LIN28B: variants seen among roughly 807,000 people sequenced by gnomAD.
The protein encoded by LIN28B is lin-28 RNA binding posttranscriptional regulator B.
In LIN28B, 5 loss-of-function variants were observed where a neutral mutation model predicts 21.9. That is an observed-to-expected ratio of 0.23 (90% CI 0.12 to 0.48). LIN28B has a LOEUF of 0.48. Ranked by LOEUF, LIN28B falls within the 20% of genes least tolerant of loss-of-function variation. The probability of loss-of-function intolerance (pLI) is 0.98; values close to 1 mark genes in which losing one functional copy is unlikely to be tolerated. For missense variants in LIN28B, 245 were observed against 310.5 expected (o/e 0.79, Z 1.58); for synonymous variants, 109 against 111.3 (o/e 0.98, Z 0.13).
At chr6:105,053,849 C>A (rs142224118) in intron 3 of LIN28B, among the ~76,000 whole-genome samples, 3 of 152,200 alleles carry the variant, frequency 2.0e-5, no homozygotes, top group African/African-American at 4.8e-5. Context: ...TCTCCTGCCT[C>A]AGCCTGCCAT....
rs1234857852 is a variant in LIN28B, at chr6:105,082,076, C to G, written c.*3293C>G. Reference sequence around the variant, plus strand: ...AAGATGCATTGCCAGTCTCTTAGCCCTGTAAGCTGATCTTTTGCTACATGG... The same window carrying G: ...AAGATGCATTGCCAGTCTCTTAGCCGTGTAAGCTGATCTTTTGCTACATGG... On this transcript the variant is annotated 3_prime_UTR_variant, in exon 4 of 4. Coordinates refer to ENST00000345080, the MANE Select transcript of LIN28B (RefSeq NM_001004317.4). 6.6e-6 allele frequency: 1 copy of G among 152,620 alleles called. No homozygotes were observed. Among genetic ancestry groups the G allele is most frequent in the African/African-American group, 2.4e-5 (1 of 41,448 alleles). 9.5% of individuals were successfully genotyped at this position (152,620 alleles called of 1,614,324 possible).
At chr6:105,048,328 T>C (rs138478945) in intron 3 of LIN28B, among the ~76,000 whole-genome samples, 2,179 of 152,320 alleles carry the variant, frequency 0.014, 69 homozygotes, top group African/African-American at 0.05. Flanking sequence ...CGTTTATTGA[T>C]TTGCATATGT....
Position 105,059,810 on chromosome 6 carries a change from A to G in LIN28B, c.384-18604A>G, listed in dbSNP as rs1411970470. ...ATTTTGCATTTCTTCCACTTTAATG[A>G]TGCTGCCCTTTAGTACTAAATATTC... On this transcript the variant is annotated intron_variant, in intron 3 of 3. Coordinates refer to ENST00000345080, the MANE Select transcript of LIN28B (RefSeq NM_001004317.4). 2.0e-5 allele frequency among the ~76,000 whole-genome samples: 3 copies of G among 152,194 alleles called. No homozygotes were observed. In the East Asian group the frequency reaches 5.8e-4, roughly 29 times the overall value.
intron 3 of LIN28B, 106 bp downstream of exon 3, chr6:105,026,588 A>G: frequency 7.2e-6 from 5 of 691,328 alleles, no homozygotes; most frequent in Non-Finnish European, 1.2e-5. Context: ...AAAGGAAACC[A>G]CCATCATGTA....
chr6:104,953,013 T>A (rs546056279), upstream of LIN28B, among the ~76,000 whole-genome samples: 2 of 152,324 alleles, frequency 1.3e-5, no homozygotes, highest in South Asian at 4.1e-4. Flanking sequence ...CGGGCGCGCC[T>A]TGCATTTGTC....
At position 105,003,200 on chromosome 6, in the gene LIN28B, C is replaced by T. The variant is rs139982234; in HGVS notation, c.199-23098C>T. Among the ~76,000 whole-genome samples the T allele has an allele frequency of 2.6e-5, 4 of 152,262 alleles. No individual in the cohort carries two copies. In the East Asian group the frequency reaches 5.8e-4, roughly 22 times the overall value. On this transcript the variant is annotated intron_variant, in intron 2 of 3. Coordinates refer to ENST00000345080, the MANE Select transcript of LIN28B (RefSeq NM_001004317.4). ...AAAGATACTGATAAAGGTGCTAAAA[C>T]GATCCTGCCCTTATTCAAAATCATT...
At chr6:105,021,643 T>A (rs568334404) in intron 2 of LIN28B, among the ~76,000 whole-genome samples, 1 of 152,314 alleles carries the variant, frequency 6.6e-6, no homozygotes, top group South Asian at 2.1e-4. Flanking sequence ...TTGTATGTCT[T>A]ATTTGCAAAA....
At chr6:104,947,771 T>C (rs1582857166) in intron 2 of LIN28B, among the ~76,000 whole-genome samples, 1 of 97,256 alleles carries the variant, frequency 1.0e-5, no homozygotes, top group South Asian at 3.0e-4. Context: ...TTTTGCGTAC[T>C]TTTTTTTTTT....
chr6:105,039,167 G>GTA (rs1190970724), intron 3 of LIN28B, among the ~76,000 whole-genome samples: 1 of 152,160 alleles, frequency 6.6e-6, no homozygotes, highest in Non-Finnish European at 1.5e-5. Context: ...TTTGCATGTA[G>GTA]TAAGAGTAAC....
intron 2 of LIN28B, among the ~76,000 whole-genome samples, chr6:105,014,765 GATAAATAA>G (rs548935957): frequency 2.0e-5 from 3 of 151,922 alleles, no homozygotes; most frequent in Non-Finnish European, 4.4e-5. Context: ...TTTAAAAATA[GATAAATAA>G]ATAAATAAAT....
chr6:104,979,177 G>A (rs1423815176), intron 2 of LIN28B, among the ~76,000 whole-genome samples: 1 of 151,492 alleles, frequency 6.6e-6, no homozygotes, highest in Non-Finnish European at 1.5e-5. Context: ...TGGAGAAAAA[G>A]AATATAAAGA....
chr6:104,961,773 C>T (rs993602618), intron 2 of LIN28B, among the ~76,000 whole-genome samples: 2 of 152,270 alleles, frequency 1.3e-5, no homozygotes, highest in Non-Finnish European at 2.9e-5. Context: ...GTAATTAATA[C>T]TCTTACCAGT....
At chr6:104,982,238 A>T (rs1327949607) in intron 2 of LIN28B, among the ~76,000 whole-genome samples, 1 of 151,590 alleles carries the variant, frequency 6.6e-6, no homozygotes, top group African/African-American at 2.4e-5. Context: ...CGCTTGAACC[A>T]GGGAGGCAGA....
chr6:105,006,000 G>A lies in LIN28B; in HGVS notation c.199-20298G>A, dbSNP rs114507678. Among the ~76,000 whole-genome samples, 763 of 152,268 alleles carry A rather than the reference G, an allele frequency of 5.0e-3. 5 individuals are homozygous for A. Among genetic ancestry groups the A allele is most frequent in the African/African-American group, 0.018 (730 of 41,562 alleles). ...ATCCAGCTGAGGAATATTAATTGCA[G>A]TTGTTAAAGATTTATTCTTCTGACT... On this transcript the variant is annotated intron_variant, in intron 2 of 3. Transcript: ENST00000345080.
intron 2 of LIN28B, among the ~76,000 whole-genome samples, chr6:104,960,574 T>G (rs80120030): frequency 0.022 from 3,295 of 152,110 alleles, 128 homozygotes; most frequent in African/African-American, 0.076. Context: ...ATGACATAGT[T>G]TTTTTTGAAG....
At chr6:104,937,571 ATTTTTCAAATTG>A (rs1337459848) in intron 2 of LIN28B, among the ~76,000 whole-genome samples, 1 of 152,008 alleles carries the variant, frequency 6.6e-6, no homozygotes, top group Non-Finnish European at 1.5e-5. Context: ...GGCCAACTCT[ATTTTTCAAATTG>A]TTTTAATGTA....
rs1222593395 is a variant in LIN28B at position 105,028,220 on chromosome 6, G to GCC, written c.383+1738_383+1739insCC. Among the ~76,000 whole-genome samples the GCC allele has an allele frequency of 3.1e-3, 478 of 152,272 alleles. 5 individuals carry two copies. Among genetic ancestry groups the GCC allele is most frequent in the African/African-American group, 0.011 (456 of 41,564 alleles). ...GGGAGAATAGTGGAGGTTGAGATTT[G>GCC]AAGAGTAAGATGGCAGGACATTTTT... On this transcript the variant is annotated intron_variant, in intron 3 of 3. Transcript: ENST00000345080.
intron 2 of LIN28B, among the ~76,000 whole-genome samples, chr6:105,015,599 CTG>C (rs1035718318): frequency 2.0e-5 from 3 of 152,004 alleles, no homozygotes; most frequent in African/African-American, 4.8e-5. Context: ...TCTTTGGTAA[CTG>C]TTTTATGTCT....
rs762932175 is a variant in LIN28B, at chr6:104,958,054, T to G, written c.11-45T>G. The stretch of plus-strand genomic sequence containing the variant: ...TTTTTTTTTAATCTTTGAATGCACA[T>G]TGAATGGGAATACAGACTGACTTTT... On this transcript the variant is annotated intron_variant, in intron 1 of 3. Coordinates refer to ENST00000345080, the MANE Select transcript of LIN28B (RefSeq NM_001004317.4). 3.8e-6 allele frequency: 5 copies of G among 1,314,718 alleles called. No homozygotes were observed. In the Admixed American group the frequency reaches 1.3e-4, roughly 33 times the overall value. The allele number at this position is 1,314,718 out of a possible 1,614,324, so 81.4% of individuals were successfully genotyped here. A position where few individuals can be genotyped will look rare whatever the true frequency, so the allele number is the denominator to read the frequency against.
Sources: gnomAD v4.1 joint callset for allele counts (sites outside exome capture counted in the v4.1 genomes callset) on GRCh38, gnomAD v4.1.1 for gene constraint, MANE v1.5 for transcripts, NCBI Gene and HGNC (gene_info 2026-07-23, HGNC 2026-07-21) for gene names.